CNR1: variants seen among roughly 807,000 people sequenced by gnomAD.
The protein encoded by CNR1 is cannabinoid receptor 1.
Under a neutral mutation model 23.0 loss-of-function variants are expected in CNR1, and 10 were observed. The observed-to-expected ratio is 0.43, with a 90% CI of 0.27 to 0.74. The LOEUF (loss-of-function observed/expected upper bound fraction) is 0.74. Among genes scored for constraint, CNR1 ranks in the 30% least tolerant of loss-of-function variants. The probability of loss-of-function intolerance (pLI) is 0.19; values close to 1 mark genes in which losing one functional copy is unlikely to be tolerated. For missense variants in CNR1, 422 were observed against 618.8 expected (o/e 0.68, Z 3.37); for synonymous variants, 271 against 255.2 (o/e 1.06, Z -0.59).
chr6:88,160,714 C>T (rs535140141), intron 1 of CNR1, among the ~76,000 whole-genome samples: 2 of 152,178 alleles, frequency 1.3e-5, no homozygotes, highest in East Asian at 1.9e-4. Context: ...GGATTGCAGG[C>T]GTGAGCTACC....
chr6:88,165,145 GAC>G (rs1223896363), intron 1 of CNR1, among the ~76,000 whole-genome samples: 1 of 152,154 alleles, frequency 6.6e-6, no homozygotes, highest in Non-Finnish European at 1.5e-5. Context: ...ATGACCAAAT[GAC>G]AGTTTCTCAT....
At chr6:88,154,577 TTTTTA>T (rs1380978978) in intron 1 of CNR1, among the ~76,000 whole-genome samples, 1 of 152,162 alleles carries the variant, frequency 6.6e-6, no homozygotes, top group African/African-American at 2.4e-5. Context: ...AAAGCAATTT[TTTTTA>T]TTTTTTTATT....
chr6:88,163,772 C>A (rs972195476), intron 1 of CNR1, among the ~76,000 whole-genome samples: 13 of 152,212 alleles, frequency 8.5e-5, no homozygotes, highest in Non-Finnish European at 1.8e-4. Context: ...CCAGCAGTTT[C>A]ATCTTGGTAA....
intron 1 of CNR1, among the ~76,000 whole-genome samples, chr6:88,152,178 G>C (rs1178212962): frequency 7.2e-6 from 1 of 139,152 alleles, no homozygotes; most frequent in East Asian, 2.1e-4. Context: ...TCCCGCCACT[G>C]CACTCCAGCC....
upstream of CNR1, among the ~76,000 whole-genome samples, chr6:88,167,042 G>A (rs1339920228): frequency 6.6e-6 from 1 of 151,566 alleles, no homozygotes; most frequent in South Asian, 2.1e-4. Flanking sequence ...CTTCTCCAGC[G>A]CCCGCCGCCC....
upstream of CNR1, among the ~76,000 whole-genome samples, chr6:88,167,217 C>T (rs1390988083): frequency 2.6e-5 from 4 of 151,692 alleles, no homozygotes; most frequent in African/African-American, 9.7e-5. Flanking sequence ...ACGCCCCACT[C>T]CAGGGCCGGA....
chr6:88,152,214 CAAAA>C (rs56141409), intron 1 of CNR1, among the ~76,000 whole-genome samples: 4,842 of 81,510 alleles, frequency 0.059, 93 homozygotes, highest in Admixed American at 0.13. Flanking sequence ...GACTCCGTCT[CAAAA>C]AAAAAAAAAA....
chr6:88,150,199 C>T (rs968218626), intron 1 of CNR1, among the ~76,000 whole-genome samples: 2 of 152,294 alleles, frequency 1.3e-5, no homozygotes, highest in African/African-American at 4.8e-5. Context: ...AACTAACTCC[C>T]CCTTTACACT....
intron 1 of CNR1, 147 bp downstream of exon 1, chr6:88,165,656 G>C (rs950510088): frequency 1.3e-5 from 2 of 152,504 alleles, no homozygotes; most frequent in Admixed American, 1.3e-4. Context: ...TAACAGGCTG[G>C]GGCCATACAG....
In CNR1 at chr6:88,157,777, T is replaced by C. The variant is rs561092173; in HGVS notation, c.-64+8026A>G. On this transcript the variant is annotated intron_variant, in intron 1 of 1. Transcript: ENST00000369501. ...CAATTTCCAAATATGCAATAATCAC[T>C]ACTGGTCCTAACTCTGTGATGAAAA... Among the ~76,000 whole-genome samples, 14 of 152,346 alleles carry C rather than the reference T, an allele frequency of 9.2e-5. 1 individual carries two copies. In the South Asian group the frequency reaches 2.9e-3, roughly 32 times the overall value.
chr6:88,145,266 C>T lies in CNR1; in HGVS notation c.9G>A (p.Ser3=), dbSNP rs371432780. Residue 3 remains serine (S), a synonymous_variant, in exon 2 of 2, where the codon TCG becomes TCA. Coordinates refer to ENST00000369501, the MANE Select transcript of CNR1 (RefSeq NM_016083.6). Reference sequence around the variant, plus strand: ...TGGTATCTGCAAGGCCATCTAGGATCGACTTCATAACCTCAGTCTTTGATT... The same window carrying T: ...TGGTATCTGCAAGGCCATCTAGGATTGACTTCATAACCTCAGTCTTTGATT... The part of the protein sequence containing the change: MK[S]ILDGLADTTF... The T allele has an allele frequency of 1.9e-5, 30 of 1,607,664 alleles. No individual in the cohort carries two copies. In the African/African-American group the frequency reaches 3.6e-4, roughly 19 times the overall value.
chr6:88,152,031 C>A (rs1029482368), intron 1 of CNR1, among the ~76,000 whole-genome samples: 1 of 151,848 alleles, frequency 6.6e-6, no homozygotes, highest in Non-Finnish European at 1.5e-5. Context: ...TTTTATGTGA[C>A]GATTTCAGAA....
chr6:88,164,825 A>G (rs1263325823), intron 1 of CNR1, among the ~76,000 whole-genome samples: 2 of 152,230 alleles, frequency 1.3e-5, no homozygotes, highest in African/African-American at 4.8e-5. Context: ...CATTGTTCAA[A>G]AGATATTAAC....
Position 88,145,447 on chromosome 6 carries a change from C to G in CNR1, c.-63-110G>C, listed in dbSNP as rs1191526151. The G allele has an allele frequency of 8.2e-6, 5 of 607,526 alleles. No homozygotes were observed. The East Asian group carries it at 1.4e-4, about 17-fold the overall frequency. 37.6% of individuals were successfully genotyped at this position (607,526 alleles called of 1,614,324 possible). A position where few individuals can be genotyped will look rare whatever the true frequency, so the allele number is the denominator to read the frequency against. Reference sequence around the variant, plus strand: ...CTGTCATGGCAACTCATTCCTGTCTCTGAACAGTAGGAGGTCAAGTTCTCA... The same window carrying G: ...CTGTCATGGCAACTCATTCCTGTCTGTGAACAGTAGGAGGTCAAGTTCTCA... On this transcript the variant is annotated intron_variant, in intron 1 of 1. Coordinates refer to ENST00000369501, the MANE Select transcript of CNR1 (RefSeq NM_016083.6).
intron 1 of CNR1, among the ~76,000 whole-genome samples, chr6:88,152,330 T>C (rs1777573306): frequency 6.6e-6 from 1 of 151,930 alleles, no homozygotes; most frequent in South Asian, 2.1e-4. Context: ...TAAGTCTACC[T>C]ACTTGCATGG....
Position 88,143,988 on chromosome 6 carries a change from C to G in CNR1, c.1287G>C (p.Ser429=). The change falls in exon 2 of 2, where the codon TCG becomes TCC. Residue 429 remains serine, a synonymous_variant. Transcript: ENST00000369501. ...AQPLDNSMGD[S]DCLHKHANNA... ...TGTTTGCGTGTTTGTGCAGGCAGTC[C>G]GAGTCCCCCATGCTGTTATCCAGAG... 2 of 1,613,932 alleles carry G rather than the reference C, an allele frequency of 1.2e-6. No individual in the cohort carries two copies. Among genetic ancestry groups the G allele is most frequent in the Non-Finnish European group, 1.7e-6 (2 of 1,180,006 alleles).
intron 1 of CNR1, 30 bp from the exon 2 acceptor site, chr6:88,145,367 T>A: frequency 9.9e-7 from 1 of 1,007,176 alleles, no homozygotes; most frequent in Non-Finnish European, 1.5e-6. Context: ...ATAAGCCGAA[T>A]GGTGAGAAAC....
At chr6:88,158,809 TACAGGAGCCAGCTCAAGATAAA>T (rs1247593209) in intron 1 of CNR1, among the ~76,000 whole-genome samples, 1 of 152,212 alleles carries the variant, frequency 6.6e-6, no homozygotes, top group South Asian at 2.1e-4. Flanking sequence ...AACAGATTGC[TACAGGAGCCAGCTCAAGATAAA>T]ATAACCTCCC....
At chr6:88,158,039 T>A (rs1364700801) in intron 1 of CNR1, among the ~76,000 whole-genome samples, 1 of 152,188 alleles carries the variant, frequency 6.6e-6, no homozygotes, top group African/African-American at 2.4e-5. Context: ...ATCACCTACT[T>A]TAGTCGAAAT....
Sources: allele counts gnomAD v4.1 joint callset (sites outside exome capture counted in the v4.1 genomes callset), GRCh38; gene constraint gnomAD v4.1.1; transcripts MANE v1.5; gene names NCBI Gene and HGNC (gene_info 2026-07-23, HGNC 2026-07-21).